The following TRIM67 variants were observed in gnomAD, a reference collection of about 807,000 sequenced individuals.
The protein encoded by TRIM67 is tripartite motif containing 67.
Under a neutral mutation model 71.0 loss-of-function variants are expected in TRIM67, and 39 were observed. The observed-to-expected ratio is 0.55, with a 90% CI of 0.43 to 0.72. The LOEUF is 0.72. Among genes scored for constraint, TRIM67 ranks in the 30% least tolerant of loss-of-function variants. The pLI is 0.00. For missense variants in TRIM67, 973 were observed against 1,079.2 expected (o/e 0.90, Z 1.38); for synonymous variants, 481 against 473.9 (o/e 1.01, Z -0.19).
intron 8 of TRIM67, among the ~76,000 whole-genome samples, chr1:231,211,595 C>T (rs1683873154): frequency 6.6e-6 from 1 of 152,198 alleles, no homozygotes; most frequent in Admixed American, 6.5e-5. Context: ...GGGGGAAACC[C>T]TGCCTTCTCC....
In TRIM67 at chr1:231,218,806, A is replaced by G; in HGVS notation, c.*3366A>G. 18 of 985,408 alleles carry G rather than the reference A, an allele frequency of 1.8e-5. No individual in the cohort carries two copies. The highest frequency in any genetic ancestry group is 2.2e-5 in the Non-Finnish European group (18 of 829,924). The allele number at this position is 985,408 out of a possible 1,614,324, so 61.0% of individuals were successfully genotyped here. A position where few individuals can be genotyped will look rare whatever the true frequency, so the allele number is the denominator to read the frequency against. ...GGTGCTTTCCGGATTGAGCCTGGGC[A>G]GGCTCTGTGGAGCTCACCAAGAGAG... is the stretch of plus-strand genomic sequence containing the variant. On this transcript the variant is annotated 3_prime_UTR_variant, in exon 10 of 10. Transcript: ENST00000366653.
chr1:231,184,725 A>C (rs1317506474), intron 1 of TRIM67: 1 of 453,964 alleles, frequency 2.2e-6, no homozygotes, highest in Non-Finnish European at 4.0e-6. Context: ...CTGTCGGGGA[A>C]GCTCTCTCTG....
In TRIM67 at chr1:231,215,968, A is replaced by G; in HGVS notation, c.*528A>G. On this transcript the variant is annotated 3_prime_UTR_variant, in exon 10 of 10. Coordinates refer to ENST00000366653, the MANE Select transcript of TRIM67 (RefSeq NM_001004342.5). Reference sequence around the variant, plus strand: ...TTAGCTTCTTGGTCCTAGAGTCTTTAGTAGCACCTGCCACTTGCAGACCCA... The same window carrying G: ...TTAGCTTCTTGGTCCTAGAGTCTTTGGTAGCACCTGCCACTTGCAGACCCA... 4.1e-6 allele frequency: 4 copies of G among 986,310 alleles called. No homozygotes were observed. Among genetic ancestry groups the G allele is most frequent in the Non-Finnish European group, 4.8e-6 (4 of 830,566 alleles). The allele number at this position is 986,310 out of a possible 1,614,324, so 61.1% of individuals were successfully genotyped here.
chr1:231,184,074 G>A (rs1292986085), intron 1 of TRIM67: 1 of 152,192 alleles, frequency 6.6e-6, no homozygotes, highest in Non-Finnish European at 1.5e-5. Context: ...CGAATAGGGT[G>A]TTAACGAATC....
At chr1:231,204,071 G>T in intron 6 of TRIM67, 59 bp downstream of exon 6, 2 of 1,599,010 alleles carry the variant, frequency 1.3e-6, no homozygotes, top group Non-Finnish European at 1.7e-6. Flanking sequence ...GGCAGGAGTG[G>T]CTCCCACTGC....
At position 231,219,491 on chromosome 1, in the gene TRIM67, C is replaced by A; in HGVS notation, c.*4051C>A. 9.5e-7 allele frequency: 1 copy of A among 1,057,726 alleles called. No individual in the cohort carries two copies. Among genetic ancestry groups the A allele is most frequent in the Non-Finnish European group, 1.1e-6 (1 of 873,872 alleles). The allele number at this position is 1,057,726 out of a possible 1,614,324, so 65.5% of individuals were successfully genotyped here. ...CTTGATACCCAAGCCCAGGATTTTCCATGTGTCTTCAGGGGGCAGGTAGGG... is the reference window on the plus strand; with the variant it reads ...CTTGATACCCAAGCCCAGGATTTTCAATGTGTCTTCAGGGGGCAGGTAGGG... On this transcript the variant is annotated 3_prime_UTR_variant, in exon 10 of 10. Coordinates refer to ENST00000366653, the MANE Select transcript of TRIM67 (RefSeq NM_001004342.5).
chr1:231,198,575 G>A lies in TRIM67; in HGVS notation c.1141-472G>A, dbSNP rs563252207. Among the ~76,000 whole-genome samples the A allele has an allele frequency of 6.6e-5, 10 of 152,192 alleles. No individual in the cohort carries two copies. In the East Asian group the frequency reaches 1.4e-3, roughly 21 times the overall value. Reference sequence around the variant, plus strand: ...CTAATTTTGTATTTTTAGTGGGGACGGGGTTTCTCCATGTTGGTCAGGCTG... The same window carrying A: ...CTAATTTTGTATTTTTAGTGGGGACAGGGTTTCTCCATGTTGGTCAGGCTG... On this transcript the variant is annotated intron_variant, in intron 2 of 9. Coordinates refer to ENST00000366653, the MANE Select transcript of TRIM67 (RefSeq NM_001004342.5).
chr1:231,165,671 T>A (rs1320996229), intron 1 of TRIM67, among the ~76,000 whole-genome samples: 1 of 152,244 alleles, frequency 6.6e-6, no homozygotes, highest in Non-Finnish European at 1.5e-5. Flanking sequence ...ATTCATATGA[T>A]ATTTTGTTGC....
At chr1:231,176,292 G>T (rs886318558) in intron 1 of TRIM67, among the ~76,000 whole-genome samples, 2 of 152,182 alleles carry the variant, frequency 1.3e-5, no homozygotes, top group African/African-American at 4.8e-5. Context: ...ATATGCGCCT[G>T]ATATGAAAAG....
chr1:231,187,489 G>T, intron 1 of TRIM67: 1 of 1,499,476 alleles, frequency 6.7e-7, no homozygotes, highest in Non-Finnish European at 8.8e-7. Flanking sequence ...ATTATTATCA[G>T]CCACAGGTTA....
At chr1:231,187,530 G>T in intron 1 of TRIM67, 1 of 1,532,684 alleles carries the variant, frequency 6.5e-7, no homozygotes, top group Admixed American at 2.0e-5. Context: ...AGCACTGAGG[G>T]GCAGATAAAA....
chr1:231,187,388 C>T (rs553089907), intron 1 of TRIM67: 3 of 871,188 alleles, frequency 3.4e-6, no homozygotes, highest in East Asian at 5.6e-5. Flanking sequence ...GAGCCTCTAC[C>T]TTTTAATTTT....
intron 8 of TRIM67, among the ~76,000 whole-genome samples, chr1:231,211,968 GGC>G (rs976154795): frequency 4.6e-5 from 7 of 152,126 alleles, no homozygotes; most frequent in Non-Finnish European, 1.0e-4. Flanking sequence ...GTTGTACCTA[GGC>G]GAGTTAAGGA....
At chr1:231,176,514 T>C (rs1682753934) in intron 1 of TRIM67, among the ~76,000 whole-genome samples, 1 of 152,220 alleles carries the variant, frequency 6.6e-6, no homozygotes, top group African/African-American at 2.4e-5. Flanking sequence ...CATCATTGCA[T>C]GAGGCATTAA....
chr1:231,170,433 G>T (rs1222875975), intron 1 of TRIM67, among the ~76,000 whole-genome samples: 3 of 152,186 alleles, frequency 2.0e-5, no homozygotes, highest in Admixed American at 2.0e-4. Flanking sequence ...GAAATTAAAA[G>T]TTGAAGACAA....
chr1:231,183,914 G>C (rs912223119), intron 1 of TRIM67, among the ~76,000 whole-genome samples: 7 of 152,112 alleles, frequency 4.6e-5, no homozygotes, highest in Non-Finnish European at 1.5e-5. Context: ...GGCTCCCAAG[G>C]CTTCCCCAAG....
At chr1:231,182,190 C>T (rs1056972782) in intron 1 of TRIM67, among the ~76,000 whole-genome samples, 1 of 152,168 alleles carries the variant, frequency 6.6e-6, no homozygotes, top group African/African-American at 2.4e-5. Context: ...CGATTAAAAA[C>T]TAATTCACTT....
chr1:231,213,989 C>T lies in TRIM67; in HGVS notation c.2286+12C>T, dbSNP rs1683941248. 3 of 1,600,874 alleles carry T rather than the reference C, an allele frequency of 1.9e-6. No individual in the cohort carries two copies. The highest frequency in any genetic ancestry group is 2.7e-5 in the African/African-American group (2 of 74,738). ...ACCGCAACGTGCAGGTACACACCTC[C>T]CCAGGGCCGGACCTGGTCTGGCTGC... On this transcript the variant is annotated intron_variant, in intron 9 of 9. Transcript: ENST00000366653.
chr1:231,200,344 C>A, intron 4 of TRIM67, 86 bp downstream of exon 4: 2 of 820,394 alleles, frequency 2.4e-6, no homozygotes, highest in Non-Finnish European at 4.2e-6. Flanking sequence ...AGGCAAGATC[C>A]TTTCACGGCT....
Sources: allele counts gnomAD v4.1 joint callset (sites outside exome capture counted in the v4.1 genomes callset), GRCh38; gene constraint gnomAD v4.1.1; transcripts MANE v1.5; gene names NCBI Gene and HGNC (gene_info 2026-07-23, HGNC 2026-07-21).